Variants in CFAP300 observed in about 807,000 individuals in gnomAD.
CFAP300 encodes the protein cilia- and flagella-associated protein 300.
In CFAP300, 32 loss-of-function variants were observed where a neutral mutation model predicts 33.0. The ratio of observed to expected loss-of-function variants is 0.97; its 90% CI spans 0.73 to 1.30. CFAP300 has a LOEUF of 1.30. CFAP300 is among the 50% of genes most tolerant of loss of function. CFAP300 has a pLI of 0.00. For missense variants in CFAP300, 356 were observed against 318.1 expected, an observed-to-expected ratio of 1.12 and a Z score of -0.90; for synonymous variants, 102 against 106.8, an observed-to-expected ratio of 0.95 and a Z score of 0.28.
chr11:102,056,635 G>C (rs1591315895), intron 2 of CFAP300, among the ~76,000 whole-genome samples: 1 of 151,914 alleles, frequency 6.6e-6, no homozygotes, highest in Non-Finnish European at 1.5e-5. Context: ...TTGTTTGTTT[G>C]TTTGTTTTAA....
Position 102,066,581 on chromosome 11 carries a change from A to T in CFAP300, c.365A>T (p.Asp122Val). The T allele has an allele frequency of 6.2e-7, 1 of 1,611,562 alleles. No homozygotes were observed. Among genetic ancestry groups the T allele is most frequent in the South Asian group, 1.1e-5 (1 of 90,402 alleles). Residue 122 changes from aspartate (D) to valine (V), a missense_variant, in exon 4 of 7, where the codon GAC becomes GTC. Transcript: ENST00000434758. ...TTATATGATGAAGATATTGTACGAGACAGTGGACATATTGTTAAATGTTTA... is the reference window on the plus strand; with the variant it reads ...TTATATGATGAAGATATTGTACGAGTCAGTGGACATATTGTTAAATGTTTA... ...HRLYDEDIVRDSGHIVKCLDS... is the reference protein window; with the variant it reads ...HRLYDEDIVRVSGHIVKCLDS...
chr11:102,049,019 C>T (rs920012512), intron 2 of CFAP300, among the ~76,000 whole-genome samples: 8 of 152,000 alleles, frequency 5.3e-5, no homozygotes, highest in South Asian at 2.1e-4. Context: ...AAAGATTGTA[C>T]GGGCCTTGGC....
At chr11:102,047,724 G>C (rs1416743613) in intron 1 of CFAP300, 91 bp from the exon 2 acceptor site, 1 of 1,505,222 alleles carries the variant, frequency 6.6e-7, no homozygotes, top group African/African-American at 1.4e-5. Flanking sequence ...AACCACCCGG[G>C]AAGGGCGGAT....
chr11:102,065,400 C>T (rs1204012645), intron 3 of CFAP300, among the ~76,000 whole-genome samples: 1 of 152,052 alleles, frequency 6.6e-6, no homozygotes, highest in East Asian at 1.9e-4. Context: ...CCCACCACAC[C>T]AGCTAAGAAA....
rs561779599 is a variant in CFAP300 at position 102,055,361 on chromosome 11, C to CTTTTTTTTTTTTTT, written c.193-3506_193-3505insTTTTTTTTTTTTTT. Among the ~76,000 whole-genome samples the CTTTTTTTTTTTTTT allele has an allele frequency of 1.3e-3, 148 of 113,514 alleles. 6 individuals are homozygous for CTTTTTTTTTTTTTT. The highest frequency in any genetic ancestry group is 2.9e-3 in the African/African-American group (79 of 27,118). The allele number at this position is 113,514 out of a possible 152,430, so 74.5% of individuals were successfully genotyped here. Reference sequence around the variant, plus strand: ...ATTTTGTTTTACCACATGCGTTACTCTTTTTTTTTTTTTGAGATAGGGTCT... The same window carrying CTTTTTTTTTTTTTT: ...ATTTTGTTTTACCACATGCGTTACTCTTTTTTTTTTTTTTTTTTTTTTTTTTTGAGATAGGGTCT... On this transcript the variant is annotated intron_variant, in intron 2 of 6. Coordinates refer to ENST00000434758, the MANE Select transcript of CFAP300 (RefSeq NM_032930.3).
Position 102,084,392 on chromosome 11 carries a change from G to A in CFAP300, c.*1193G>A, listed in dbSNP as rs946438291. On this transcript the variant is annotated 3_prime_UTR_variant, in exon 7 of 7. Transcript: ENST00000434758. ...AACCTGGATTTGAATCTGGAATGCA[G>A]CTGGCAATTTGGGTATAGAGCTCAG... The A allele has an allele frequency of 1.3e-5, 2 of 152,198 alleles. No individual in the cohort carries two copies. The highest frequency in any genetic ancestry group is 2.9e-5 in the Non-Finnish European group (2 of 68,034). 9.4% of individuals were successfully genotyped at this position (152,198 alleles called of 1,614,324 possible).
intron 2 of CFAP300, among the ~76,000 whole-genome samples, chr11:102,053,581 AAC>A (rs1426521750): frequency 1.3e-5 from 2 of 151,004 alleles, no homozygotes; most frequent in Admixed American, 1.3e-4. Flanking sequence ...CAAACAAACA[AAC>A]AAAAACCTTC....
At chr11:102,061,777 G>A (rs1187238304) in intron 3 of CFAP300, among the ~76,000 whole-genome samples, 1 of 152,174 alleles carries the variant, frequency 6.6e-6, no homozygotes, top group East Asian at 1.9e-4. Context: ...TGATGGGGTT[G>A]CCAGAAAAGT....
At position 102,083,448 on chromosome 11, in the gene CFAP300, G is replaced by A; in HGVS notation, c.*249G>A. On this transcript the variant is annotated 3_prime_UTR_variant, in exon 7 of 7. Coordinates refer to ENST00000434758, the MANE Select transcript of CFAP300 (RefSeq NM_032930.3). The stretch of plus-strand genomic sequence containing the variant: ...GTGGAATTTTTACAGAAAGTTACAA[G>A]GAATTAGAAATCTAGTTCATATTTG... 4.4e-6 allele frequency: 1 copy of A among 229,364 alleles called. No homozygotes were observed. Among genetic ancestry groups the A allele is most frequent in the Non-Finnish European group, 8.3e-6 (1 of 119,990 alleles). 14.2% of individuals were successfully genotyped at this position (229,364 alleles called of 1,614,324 possible). A position where few individuals can be genotyped will look rare whatever the true frequency, so the allele number is the denominator to read the frequency against.
At chr11:102,054,683 C>T (rs1026486619) in intron 2 of CFAP300, among the ~76,000 whole-genome samples, 8 of 140,916 alleles carry the variant, frequency 5.7e-5, no homozygotes, top group Non-Finnish European at 1.1e-4. Context: ...GAGCTGAGAT[C>T]GAACCATTGC....
Position 102,083,103 on chromosome 11 carries a change from GA to G in CFAP300, c.710del (p.Asn237IlefsTer56). The G allele has an allele frequency of 6.5e-7, 1 of 1,530,032 alleles. No individual in the cohort carries two copies. The highest frequency in any genetic ancestry group is 1.3e-5 in the South Asian group (1 of 74,618). 94.8% of individuals were successfully genotyped at this position (1,530,032 alleles called of 1,614,324 possible). On this transcript the variant is annotated frameshift_variant, in exon 7 of 7. Coordinates refer to ENST00000434758, the MANE Select transcript of CFAP300 (RefSeq NM_032930.3). LOFTEE classifies it high-confidence loss of function. ...SAGMCYPSAK[N>X]HEQTFSYFIV... Reference sequence around the variant, plus strand: ...CTGGTATGTGCTATCCTTCAGCAAAGAATCATGAACAGACATTTTCTTACTT... The same window carrying G: ...CTGGTATGTGCTATCCTTCAGCAAAGATCATGAACAGACATTTTCTTACTT...
intron 2 of CFAP300, among the ~76,000 whole-genome samples, chr11:102,056,576 A>G (rs767867736): frequency 2.0e-5 from 3 of 151,870 alleles, no homozygotes; most frequent in Non-Finnish European, 2.9e-5. Context: ...CCTAAAGTTT[A>G]TTGGCTATTT....
chr11:102,073,079 C>A (rs1320883667), intron 4 of CFAP300, among the ~76,000 whole-genome samples: 1 of 152,102 alleles, frequency 6.6e-6, no homozygotes, highest in East Asian at 1.9e-4. Flanking sequence ...GTGGTGTTAG[C>A]AGGTCCAAGC....
chr11:102,049,957 C>A (rs1941944759), intron 2 of CFAP300, among the ~76,000 whole-genome samples: 1 of 151,720 alleles, frequency 6.6e-6, no homozygotes, highest in Non-Finnish European at 1.5e-5. Context: ...TTGAGACCAG[C>A]CTGGGCAACA....
In CFAP300 at chr11:102,061,006, TTCAG is replaced by T. The variant is rs555382887; in HGVS notation, c.268+2055_268+2058del. On this transcript the variant is annotated intron_variant, in intron 3 of 6. Coordinates refer to ENST00000434758, the MANE Select transcript of CFAP300 (RefSeq NM_032930.3). ...GTTTAGAAAACATGTTTACAGTAAC[TTCAG>T]TCAATCTATTTGAAAAAATAAGGCT... Among the ~76,000 whole-genome samples the T allele has an allele frequency of 2.8e-3, 424 of 152,316 alleles. 2 individuals are homozygous for T. The highest frequency in any genetic ancestry group is 9.6e-3 in the African/African-American group (398 of 41,570).
At chr11:102,079,042 A>T (rs181126544) in intron 5 of CFAP300, among the ~76,000 whole-genome samples, 1 of 152,342 alleles carries the variant, frequency 6.6e-6, no homozygotes, top group East Asian at 1.9e-4. Context: ...ATATGTGTTA[A>T]GTGATTGTTC....
chr11:102,082,898 G>A (rs1209285160), intron 6 of CFAP300, among the ~76,000 whole-genome samples, 173 bp from the exon 7 acceptor site: 1 of 152,180 alleles, frequency 6.6e-6, no homozygotes, highest in Admixed American at 6.5e-5. Context: ...TCGGGAAGCT[G>A]AAGCAGGAGA....
At chr11:102,075,779 G>T in intron 4 of CFAP300, 94 bp from the exon 5 acceptor site, 1 of 971,724 alleles carries the variant, frequency 1.0e-6, no homozygotes, top group Non-Finnish European at 1.5e-6. Flanking sequence ...TAAAATAGGT[G>T]TAAGATTATT....
Position 102,081,205 on chromosome 11 carries a change from CT to C in CFAP300, c.609-3del, listed in dbSNP as rs1204252283. The C allele has an allele frequency of 3.8e-6, 6 of 1,594,736 alleles. No individual in the cohort carries two copies. The highest frequency in any genetic ancestry group is 1.4e-5 in the African/African-American group (1 of 73,996). On this transcript the variant is annotated splice_polypyrimidine_tract_variant and intron_variant, in intron 5 of 6. Coordinates refer to ENST00000434758, the MANE Select transcript of CFAP300 (RefSeq NM_032930.3). ...TATATGTTAAAAGCACCTTTTCTTCCTTTTTTTAGTGTTCGAAAGAATCCTC... is the reference window on the plus strand; with the variant it reads ...TATATGTTAAAAGCACCTTTTCTTCCTTTTTTAGTGTTCGAAAGAATCCTC...
Sources: gnomAD v4.1 joint callset for allele counts (sites outside exome capture counted in the v4.1 genomes callset) on GRCh38, gnomAD v4.1.1 for gene constraint, MANE v1.5 for transcripts, NCBI Gene and HGNC (gene_info 2026-07-23, HGNC 2026-07-21) for gene names.